Variants in KIF13A observed in about 807,000 individuals in gnomAD.
KIF13A encodes kinesin-like protein KIF13A.
In KIF13A, 79 loss-of-function variants were observed where a neutral mutation model predicts 212.2. The ratio of observed to expected loss-of-function variants is 0.37; its 90% CI spans 0.31 to 0.45. KIF13A has a LOEUF of 0.45. KIF13A is among the 20% of genes least tolerant of loss of function. The pLI, the probability that KIF13A is intolerant of heterozygous loss-of-function variation, is 1.00. For missense variants in KIF13A, 1,901 were observed against 2,209.0 expected (o/e 0.86, Z 2.79); for synonymous variants, 789 against 808.6 (o/e 0.98, Z 0.41).
chr6:17,863,086 G>C (rs1009002036), intron 4 of KIF13A, among the ~76,000 whole-genome samples: 1 of 152,232 alleles, frequency 6.6e-6, no homozygotes, highest in Non-Finnish European at 1.5e-5. Context: ...GACAGAGCAA[G>C]ACCCCATCTC....
intron 4 of KIF13A, among the ~76,000 whole-genome samples, chr6:17,861,495 T>G (rs996378491): frequency 6.6e-6 from 1 of 152,232 alleles, no homozygotes; most frequent in Non-Finnish European, 1.5e-5. Context: ...TTTACCTCTG[T>G]GCAGTTTCCT....
intron 12 of KIF13A, among the ~76,000 whole-genome samples, chr6:17,833,014 C>CAAA (rs61281213): frequency 1.7e-4 from 13 of 75,394 alleles, no homozygotes; most frequent in Non-Finnish European, 2.6e-4. Flanking sequence ...ACTCTGTCTG[C>CAAA]AAAAAAAAAA....
intron 19 of KIF13A, among the ~76,000 whole-genome samples, chr6:17,804,840 A>AAAAAAAAAAAAAAAAAT (rs1762802153): frequency 7.0e-6 from 1 of 143,100 alleles, no homozygotes; most frequent in Non-Finnish European, 1.5e-5. Flanking sequence ...AAAAAAAAAA[A>AAAAAAAAAAAAAAAAAT]AAAAAGAATT....
rs748521233 is a variant in KIF13A, at chr6:17,987,395, G to A, written c.55+14C>T. The A allele has an allele frequency of 2.2e-5, 30 of 1,362,522 alleles. No homozygotes were observed. Among genetic ancestry groups the A allele is most frequent in the Non-Finnish European group, 2.7e-5 (28 of 1,029,100 alleles). 84.4% of individuals were successfully genotyped at this position (1,362,522 alleles called of 1,614,324 possible). A position where few individuals can be genotyped will look rare whatever the true frequency, so the allele number is the denominator to read the frequency against. On this transcript the variant is annotated intron_variant, in intron 1 of 38. Transcript: ENST00000259711. This position sits in a 1 kb window ranked among gnomAD's most constrained non-coding sequence, Gnocchi z 7.7. The stretch of plus-strand genomic sequence containing the variant: ...AGCCCGAGCAGAAATAAAAAAGAGC[G>A]GAAAGCTCCTCACCTCGTCGGTTCA...
In KIF13A at chr6:17,837,344, T is replaced by C; in HGVS notation, c.942+128A>G. The C allele has an allele frequency of 1.4e-6, 1 of 708,888 alleles. No individual in the cohort carries two copies. Among genetic ancestry groups the C allele is most frequent in the Non-Finnish European group, 2.4e-6 (1 of 417,788 alleles). 43.9% of individuals were successfully genotyped at this position (708,888 alleles called of 1,614,324 possible). On this transcript the variant is annotated intron_variant, in intron 10 of 38. Transcript: ENST00000259711. The surrounding 1 kb of genome is among the most constrained non-coding windows in gnomAD (Gnocchi z 5.4). Reference sequence around the variant, plus strand: ...GAAAATAGTTTTCATTCTGTGTTCCTAGGAATTAGAATAACTGTCATCAGG... The same window carrying C: ...GAAAATAGTTTTCATTCTGTGTTCCCAGGAATTAGAATAACTGTCATCAGG...
chr6:17,893,479 T>C (rs1772252026), intron 3 of KIF13A, among the ~76,000 whole-genome samples: 1 of 152,242 alleles, frequency 6.6e-6, no homozygotes, highest in Admixed American at 6.5e-5. Flanking sequence ...AGGAGCTTGT[T>C]TGCAGATTTC....
Position 17,951,012 on chromosome 6 carries a change from T to C in KIF13A, c.146+36042A>G. The C allele has an allele frequency of 1.0e-6, 1 of 992,478 alleles. No homozygotes were observed. The allele number at this position is 992,478 out of a possible 1,614,324, so 61.5% of individuals were successfully genotyped here. Reference sequence around the variant, plus strand: ...TGAATATAACACTATTGAACATAAATGACTAAATATATGGGCTATCACAAA... The same window carrying C: ...TGAATATAACACTATTGAACATAAACGACTAAATATATGGGCTATCACAAA... On this transcript the variant is annotated intron_variant, in intron 2 of 38. Transcript: ENST00000259711. The surrounding 1 kb of genome is among the most constrained non-coding windows in gnomAD (Gnocchi z 4.9).
chr6:17,986,209 C>CAT (rs1398163457), intron 2 of KIF13A, among the ~76,000 whole-genome samples: 1 of 152,132 alleles, frequency 6.6e-6, no homozygotes, highest in African/African-American at 2.4e-5. Context: ...CGTTTTTTCA[C>CAT]ATATATATAT....
chr6:17,835,974 C>T (rs1338978397), intron 11 of KIF13A, among the ~76,000 whole-genome samples: 1 of 152,180 alleles, frequency 6.6e-6, no homozygotes, highest in Non-Finnish European at 1.5e-5. Context: ...AGATACACTC[C>T]CAAGTCCTGG....
intron 2 of KIF13A, among the ~76,000 whole-genome samples, chr6:17,944,702 A>G (rs1777237036): frequency 6.6e-6 from 1 of 152,194 alleles, no homozygotes; most frequent in Non-Finnish European, 1.5e-5. Flanking sequence ...AAATCTAAAG[A>G]AAATATTTCT....
In KIF13A at chr6:17,968,908, T is replaced by C. The variant is rs1779558958; in HGVS notation, c.146+18146A>G. ...TGACAGACACAACCTGAGGACTTTC[T>C]ACCCACAGACTCATCTACCTAGGCA... On this transcript the variant is annotated intron_variant, in intron 2 of 38. Transcript: ENST00000259711. The surrounding 1 kb of genome is among the most constrained non-coding windows in gnomAD (Gnocchi z 4.7). Among the ~76,000 whole-genome samples the C allele has an allele frequency of 6.6e-6, 1 of 152,224 alleles. No homozygotes were observed. The highest frequency in any genetic ancestry group is 2.1e-4 in the South Asian group (1 of 4,834).
At position 17,849,587 on chromosome 6, in the gene KIF13A, A is replaced by G; in HGVS notation, c.718-98T>C. The G allele has an allele frequency of 1.4e-6, 1 of 731,298 alleles. No individual in the cohort carries two copies. Among genetic ancestry groups the G allele is most frequent in the Non-Finnish European group, 2.2e-6 (1 of 454,540 alleles). The allele number at this position is 731,298 out of a possible 1,614,324, so 45.3% of individuals were successfully genotyped here. On this transcript the variant is annotated intron_variant, in intron 8 of 38. Transcript: ENST00000259711. This position sits in a 1 kb window ranked among gnomAD's most constrained non-coding sequence, Gnocchi z 5.7. The stretch of plus-strand genomic sequence containing the variant: ...GCACTATAATTGAGCAATCCATCCC[A>G]CTCTCATATGGCAAATTTCTTAAGT...
intron 31 of KIF13A, among the ~76,000 whole-genome samples, chr6:17,779,991 C>T (rs969376433): frequency 6.6e-6 from 1 of 152,058 alleles, no homozygotes; most frequent in East Asian, 1.9e-4. Flanking sequence ...CGTGATCCGC[C>T]CGCCTTGGCC....
chr6:17,913,733 T>C (rs934958377), intron 2 of KIF13A, among the ~76,000 whole-genome samples: 2 of 152,176 alleles, frequency 1.3e-5, no homozygotes, highest in Admixed American at 6.5e-5. Context: ...GAGGGGGGAT[T>C]GACTAAGTCA....
At position 17,809,037 on chromosome 6, in the gene KIF13A, AT is replaced by A; in HGVS notation, c.2001-108del. On this transcript the variant is annotated intron_variant, in intron 17 of 38. Transcript: ENST00000259711. This position sits in a 1 kb window ranked among gnomAD's most constrained non-coding sequence, Gnocchi z 4.7. ...TGGGAGAAAACTCCTCTCGGGCAGT[AT>A]TTTTCAAACTATTTTACCAGACTAC... 1 of 1,068,470 alleles carries A rather than the reference AT, an allele frequency of 9.4e-7. No individual in the cohort carries two copies. Among genetic ancestry groups the A allele is most frequent in the Non-Finnish European group, 1.3e-6 (1 of 767,578 alleles). 66.2% of individuals were successfully genotyped at this position (1,068,470 alleles called of 1,614,324 possible).
chr6:17,952,970 G>A (rs1012290917), intron 2 of KIF13A, among the ~76,000 whole-genome samples: 1 of 151,870 alleles, frequency 6.6e-6, no homozygotes, highest in African/African-American at 2.4e-5. Flanking sequence ...GGGAAGAGAG[G>A]AAGAGGAGAA....
At chr6:17,917,868 C>T (rs1168803136) in intron 2 of KIF13A, among the ~76,000 whole-genome samples, 2 of 152,156 alleles carry the variant, frequency 1.3e-5, no homozygotes, top group African/African-American at 4.8e-5. Flanking sequence ...CCTTTCCCAG[C>T]TCCCATTTCC....
In KIF13A at chr6:17,984,122, C is replaced by T. The variant is rs773697488; in HGVS notation, c.146+2932G>A. Among the ~76,000 whole-genome samples, 2 of 152,172 alleles carry T rather than the reference C, an allele frequency of 1.3e-5. No individual in the cohort carries two copies. The highest frequency in any genetic ancestry group is 2.9e-5 in the Non-Finnish European group (2 of 68,038). On this transcript the variant is annotated intron_variant, in intron 2 of 38. Coordinates refer to ENST00000259711, the MANE Select transcript of KIF13A (RefSeq NM_022113.6). The surrounding 1 kb of genome is among the most constrained non-coding windows in gnomAD (Gnocchi z 5.0). ...CTGCCTTCAAGCAGTTCACAGCCTCCAGGGAGAGAAAGAGGAAACAGAGAA... is the reference window on the plus strand; with the variant it reads ...CTGCCTTCAAGCAGTTCACAGCCTCTAGGGAGAGAAAGAGGAAACAGAGAA...
rs1379134996 is a variant in KIF13A, at chr6:17,834,763, CTA to C, written c.1156-694_1156-693del. On this transcript the variant is annotated intron_variant, in intron 11 of 38. Coordinates refer to ENST00000259711, the MANE Select transcript of KIF13A (RefSeq NM_022113.6). This position sits in a 1 kb window ranked among gnomAD's most constrained non-coding sequence, Gnocchi z 4.0. Reference sequence around the variant, plus strand: ...CATGAGCCTCTACAAAGTTAAAACTCTATGAACAAGAAAGATGGCAGAGCTTG... The same window carrying C: ...CATGAGCCTCTACAAAGTTAAAACTCTGAACAAGAAAGATGGCAGAGCTTG... Among the ~76,000 whole-genome samples the C allele has an allele frequency of 6.6e-6, 1 of 152,126 alleles. No individual in the cohort carries two copies. The highest frequency in any genetic ancestry group is 1.9e-4 in the East Asian group (1 of 5,186).
Sources: gnomAD v4.1 joint callset for allele counts (sites outside exome capture counted in the v4.1 genomes callset) on GRCh38, gnomAD v4.1.1 for gene constraint, Gnocchi (gnomAD v3.1) non-coding constraint, MANE v1.5 for transcripts, NCBI Gene and HGNC (gene_info 2026-07-23, HGNC 2026-07-21) for gene names.